Variants in NCBP3 observed in about 807,000 individuals in gnomAD.
NCBP3 encodes the protein nuclear cap binding subunit 3, also known as nuclear cap-binding protein subunit 3.
NCBP3 carries 20 observed loss-of-function variants against 75.7 expected under a neutral mutation model. That is an observed-to-expected ratio of 0.26 (90% CI 0.19 to 0.38). NCBP3 has a LOEUF of 0.38. Ranked by LOEUF, NCBP3 falls within the 10% of genes least tolerant of loss-of-function variation. NCBP3 has a pLI of 1.00. For missense variants in NCBP3, 678 were observed against 796.9 expected (o/e 0.85, Z 1.80); for synonymous variants, 293 against 290.5 (o/e 1.01, Z -0.09).
intron 9 of NCBP3, among the ~76,000 whole-genome samples, chr17:3,819,137 G>A (rs747903231): frequency 7.2e-5 from 11 of 152,280 alleles, no homozygotes; most frequent in Middle Eastern, 3.4e-3. Context: ...TAGATGCAAG[G>A]GGGCTGTGAT....
chr17:3,836,891 C>T (rs1444519374), intron 3 of NCBP3, among the ~76,000 whole-genome samples: 4 of 152,060 alleles, frequency 2.6e-5, no homozygotes, highest in Non-Finnish European at 4.4e-5. Context: ...TGGCTCACAC[C>T]TACAACGCCA....
intron 9 of NCBP3, among the ~76,000 whole-genome samples, chr17:3,820,092 G>A (rs1308031716): frequency 1.3e-5 from 2 of 152,124 alleles, no homozygotes; most frequent in Admixed American, 6.6e-5. Flanking sequence ...CCACAGGTAT[G>A]TGCCATCATG....
In NCBP3 at chr17:3,805,535, TC is replaced by T. The variant is rs2053327659; in HGVS notation, c.*7508del. 6.6e-6 allele frequency: 1 copy of T among 152,270 alleles called. No individual in the cohort carries two copies. The highest frequency in any genetic ancestry group is 1.5e-5 in the Non-Finnish European group (1 of 68,142). 9.4% of individuals were successfully genotyped at this position (152,270 alleles called of 1,614,324 possible). A position where few individuals can be genotyped will look rare whatever the true frequency, so the allele number is the denominator to read the frequency against. On this transcript the variant is annotated 3_prime_UTR_variant, in exon 13 of 13. Transcript: ENST00000389005. ...CGTGAATAAGACAGCAAGAGGGTGC[TC>T]ACCATGTTGGCATCCTCCGGCCTCA...
At position 3,816,030 on chromosome 17, in the gene NCBP3, G is replaced by A. The variant is rs2053524057; in HGVS notation, c.1465+86C>T. The A allele has an allele frequency of 1.1e-5, 15 of 1,318,634 alleles. No individual in the cohort carries two copies. The South Asian group carries it at 1.6e-4, about 14-fold the overall frequency. The allele number at this position is 1,318,634 out of a possible 1,614,324, so 81.7% of individuals were successfully genotyped here. A position where few individuals can be genotyped will look rare whatever the true frequency, so the allele number is the denominator to read the frequency against. ...GGACAGCTAAATCAGTTCACACATC[G>A]CATGTTTTACTCAGGAACCTCTCTC... On this transcript the variant is annotated intron_variant, in intron 11 of 12. Coordinates refer to ENST00000389005, the MANE Select transcript of NCBP3 (RefSeq NM_001114118.3).
In NCBP3 at chr17:3,818,472, G is replaced by A. The variant is rs770109767; in HGVS notation, c.1101C>T (p.Asp367=). Residue 367 remains aspartate, a synonymous_variant, in exon 10 of 13, where the codon GAC becomes GAT. Coordinates refer to ENST00000389005, the MANE Select transcript of NCBP3 (RefSeq NM_001114118.3). This position sits in a 1 kb window ranked among gnomAD's most constrained non-coding sequence, Gnocchi z 4.7. ...EEEDQDMDAD[D]RVVVEYHEEL... The stretch of plus-strand genomic sequence containing the variant: ...CCTCGTGGTACTCTACCACCACTCT[G>A]TCATCTGCATCCATGTCCTGGTCTT... 1.4e-5 allele frequency: 23 copies of A among 1,613,962 alleles called. No homozygotes were observed. Among genetic ancestry groups the A allele is most frequent in the Non-Finnish European group, 1.9e-5 (23 of 1,180,022 alleles).
intron 2 of NCBP3, among the ~76,000 whole-genome samples, chr17:3,841,168 G>C (rs2054056941): frequency 6.6e-6 from 1 of 152,070 alleles, no homozygotes; most frequent in Non-Finnish European, 1.5e-5. Flanking sequence ...GTAGAGACGG[G>C]GTTTCACCAT....
At position 3,811,428 on chromosome 17, in the gene NCBP3, A is replaced by G. The variant is rs539406435; in HGVS notation, c.*1616T>C. 1 of 152,336 alleles carries G rather than the reference A, an allele frequency of 6.6e-6. No homozygotes were observed. Among genetic ancestry groups the G allele is most frequent in the South Asian group, 2.1e-4 (1 of 4,830 alleles). 9.4% of individuals were successfully genotyped at this position (152,336 alleles called of 1,614,324 possible). ...GAACCATCTCTTTCCTAGAATCCTAATAAGAAGCTGAAATATATCATGGTT... is the reference window on the plus strand; with the variant it reads ...GAACCATCTCTTTCCTAGAATCCTAGTAAGAAGCTGAAATATATCATGGTT... On this transcript the variant is annotated 3_prime_UTR_variant, in exon 13 of 13. Coordinates refer to ENST00000389005, the MANE Select transcript of NCBP3 (RefSeq NM_001114118.3).
Position 3,816,230 on chromosome 17 carries a change from T to C in NCBP3, c.1351A>G (p.Lys451Glu). 6.2e-7 allele frequency: 1 copy of C among 1,614,230 alleles called. No individual in the cohort carries two copies. Among genetic ancestry groups the C allele is most frequent in the Non-Finnish European group, 8.5e-7 (1 of 1,180,034 alleles). The change falls in exon 11 of 13, where the codon AAA (lysine) becomes GAA (glutamate). Residue 451 changes from lysine (K) to glutamate (E), a missense_variant. Coordinates refer to ENST00000389005, the MANE Select transcript of NCBP3 (RefSeq NM_001114118.3). ...GGTAATTTGTTACCAATTCGGTTTT[T>C]GATATTGCTTGAAGATACACTATCT... ...RADSVSSSNI[K>E]NRIGNKLPPE...
At chr17:3,826,840 C>T (rs938258542) in intron 4 of NCBP3, among the ~76,000 whole-genome samples, 5 of 151,648 alleles carry the variant, frequency 3.3e-5, no homozygotes, top group Admixed American at 2.0e-4. Flanking sequence ...GGTGAAACCC[C>T]GTCTCTACTA....
At position 3,846,065 on chromosome 17, in the gene NCBP3, C is replaced by T. The variant is rs1380561321; in HGVS notation, c.159G>A (p.Arg53=). The change falls in exon 1 of 13, where the codon CGG becomes CGA. Residue 53 remains arginine, a synonymous_variant. Transcript: ENST00000389005. The surrounding 1 kb of genome is among the most constrained non-coding windows in gnomAD (Gnocchi z 4.6). ...CCGGGATCAGTTCCTTGAGCGAGCG[C>T]CGCACAGGCACGATTTCCAGCTCGC... ...EEGELEIVPV[R]RSLKELIPDT... 6.5e-7 allele frequency: 1 copy of T among 1,549,372 alleles called. No individual in the cohort carries two copies. The highest frequency in any genetic ancestry group is 2.5e-5 in the East Asian group (1 of 40,416).
rs2053347446 is a variant in NCBP3, at chr17:3,807,385, C to T, written c.*5659G>A. The T allele has an allele frequency of 6.6e-6, 1 of 151,994 alleles. No homozygotes were observed. The highest frequency in any genetic ancestry group is 2.4e-5 in the African/African-American group (1 of 41,250). The allele number at this position is 151,994 out of a possible 1,614,324, so 9.4% of individuals were successfully genotyped here. A position where few individuals can be genotyped will look rare whatever the true frequency, so the allele number is the denominator to read the frequency against. On this transcript the variant is annotated 3_prime_UTR_variant, in exon 13 of 13. Coordinates refer to ENST00000389005, the MANE Select transcript of NCBP3 (RefSeq NM_001114118.3). The stretch of plus-strand genomic sequence containing the variant: ...CCAGATCATCAAAATTTGAAGTTTA[C>T]TCAGGTCTATTTAATGAGATTTTTT...
At position 3,832,457 on chromosome 17, in the gene NCBP3, C is replaced by G. The variant is rs538407890; in HGVS notation, c.356-3089G>C. 3.0e-4 allele frequency among the ~76,000 whole-genome samples: 35 copies of G among 116,456 alleles called. 10 individuals are homozygous for G. Among genetic ancestry groups the G allele is most frequent in the East Asian group, 1.4e-3 (4 of 2,904 alleles). The allele number at this position is 116,456 out of a possible 152,430, so 76.4% of individuals were successfully genotyped here. A position where few individuals can be genotyped will look rare whatever the true frequency, so the allele number is the denominator to read the frequency against. On this transcript the variant is annotated intron_variant, in intron 3 of 12. Transcript: ENST00000389005. The stretch of plus-strand genomic sequence containing the variant: ...CATCCTGGCCAACACGGTGAAACCC[C>G]GTCTCTACTAAAAATACAAAACAAT...
chr17:3,838,297 G>A (rs929932638), intron 3 of NCBP3, among the ~76,000 whole-genome samples: 8 of 152,234 alleles, frequency 5.3e-5, no homozygotes, highest in African/African-American at 1.9e-4. Flanking sequence ...GAGGCAAGCC[G>A]CCTCAAGGAA....
At chr17:3,819,102 G>A (rs542642013) in intron 9 of NCBP3, among the ~76,000 whole-genome samples, 1 of 152,218 alleles carries the variant, frequency 6.6e-6, no homozygotes, top group Non-Finnish European at 1.5e-5. Context: ...CCTGAGTGTC[G>A]TGCCGAAGTG....
intron 3 of NCBP3, among the ~76,000 whole-genome samples, chr17:3,830,825 C>T (rs577614291): frequency 1.6e-4 from 25 of 152,154 alleles, no homozygotes; most frequent in Admixed American, 1.2e-3. Flanking sequence ...CCTCGTGATC[C>T]ACCCGCCTTG....
In NCBP3 at chr17:3,822,072, G is replaced by C; in HGVS notation, c.797-20C>G. 6.8e-7 allele frequency: 1 copy of C among 1,472,092 alleles called. No individual in the cohort carries two copies. The highest frequency in any genetic ancestry group is 2.3e-5 in the East Asian group (1 of 44,074). The allele number at this position is 1,472,092 out of a possible 1,614,324, so 91.2% of individuals were successfully genotyped here. ...TGTCATCTAAAAATTAATGACAATA[G>C]TTACCTAGGATTTCCTGTGAGTGTA... On this transcript the variant is annotated intron_variant, in intron 7 of 12. Coordinates refer to ENST00000389005, the MANE Select transcript of NCBP3 (RefSeq NM_001114118.3).
At chr17:3,843,526 A>C (rs2054104352) in intron 1 of NCBP3, among the ~76,000 whole-genome samples, 4 of 152,164 alleles carry the variant, frequency 2.6e-5, no homozygotes, top group African/African-American at 9.6e-5. Flanking sequence ...GAGTCATCAC[A>C]ACCAGTCTGG....
intron 7 of NCBP3, chr17:3,824,541 C>A: frequency 6.1e-6 from 1 of 163,754 alleles, no homozygotes; most frequent in South Asian, 1.6e-4. Flanking sequence ...TTTTAAATGC[C>A]CACCAAAAGT....
chr17:3,802,986 C>T lies in NCBP3; in HGVS notation c.*10058G>A, dbSNP rs2053291178. 1 of 152,246 alleles carries T rather than the reference C, an allele frequency of 6.6e-6. No homozygotes were observed. Among genetic ancestry groups the T allele is most frequent in the East Asian group, 1.9e-4 (1 of 5,196 alleles). The allele number at this position is 152,246 out of a possible 1,614,324, so 9.4% of individuals were successfully genotyped here. ...TGTATTTATCCAAGCGTCAGTGCCT[C>T]TAGTCATGAGACACACAGGGGTCCG... On this transcript the variant is annotated 3_prime_UTR_variant, in exon 13 of 13. Transcript: ENST00000389005.
Sources: allele counts gnomAD v4.1 joint callset (sites outside exome capture counted in the v4.1 genomes callset), GRCh38; gene constraint gnomAD v4.1.1; non-coding constraint Gnocchi (gnomAD v3.1); transcripts MANE v1.5; gene names NCBI Gene and HGNC (gene_info 2026-07-23, HGNC 2026-07-21).